PAPSS1: variants seen among roughly 807,000 people sequenced by gnomAD.
PAPSS1 encodes the protein 3'-phosphoadenosine 5'-phosphosulfate synthase 1.
Under a neutral mutation model 72.0 loss-of-function variants are expected in PAPSS1, and 50 were observed. The ratio of observed to expected loss-of-function variants is 0.69; its 90% CI spans 0.55 to 0.88. PAPSS1 has a LOEUF of 0.88. Ranked by LOEUF, PAPSS1 falls within the 40% of genes least tolerant of loss-of-function variation. The pLI, the probability that PAPSS1 is intolerant of heterozygous loss-of-function variation, is 0.00. For synonymous variants in PAPSS1, 261 were observed against 263.6 expected (o/e 0.99, Z 0.09); for missense variants, 657 against 782.2 (o/e 0.84, Z 1.91).
intron 11 of PAPSS1, among the ~76,000 whole-genome samples, chr4:107,622,607 A>G (rs1725995110): frequency 6.6e-6 from 1 of 152,248 alleles, no homozygotes; most frequent in Admixed American, 6.5e-5. Flanking sequence ...TTTGCCATAA[A>G]AACTAGGTAG....
rs750144042 is a variant in PAPSS1 at position 107,701,158 on chromosome 4, C to T, written c.175+13G>A. The T allele has an allele frequency of 3.2e-6, 5 of 1,575,810 alleles. No individual in the cohort carries two copies. Among genetic ancestry groups the T allele is most frequent in the Non-Finnish European group, 4.4e-6 (5 of 1,145,692 alleles). ...GCTTTTAAAATAAACTGCTTTCTCTCTCTTGACCATACCTGTTAGCCAAAC... is the reference window on the plus strand; with the variant it reads ...GCTTTTAAAATAAACTGCTTTCTCTTTCTTGACCATACCTGTTAGCCAAAC... On this transcript the variant is annotated intron_variant, in intron 2 of 11. Coordinates refer to ENST00000265174, the MANE Select transcript of PAPSS1 (RefSeq NM_005443.5).
At chr4:107,665,359 A>G (rs1445848698) in intron 5 of PAPSS1, among the ~76,000 whole-genome samples, 1 of 152,226 alleles carries the variant, frequency 6.6e-6, no homozygotes, top group Non-Finnish European at 1.5e-5. Context: ...GGACAACAGA[A>G]AGTTGGTCCC....
chr4:107,707,461 C>T (rs1037599372), intron 1 of PAPSS1, among the ~76,000 whole-genome samples: 8 of 152,240 alleles, frequency 5.3e-5, no homozygotes, highest in Non-Finnish European at 7.4e-5. Flanking sequence ...TAGGCTTGGA[C>T]GCTCAATCCA....
Position 107,701,298 on chromosome 4 carries a change from G to GAA in PAPSS1, c.61-15_61-14dup. The stretch of plus-strand genomic sequence containing the variant: ...CTCTCTGCATTCCCTAGAAAAAAAA[G>GAA]AAAAAAAAAATTCTAGTTTACATGA... On this transcript the variant is annotated splice_polypyrimidine_tract_variant and intron_variant, in intron 1 of 11. Coordinates refer to ENST00000265174, the MANE Select transcript of PAPSS1 (RefSeq NM_005443.5). 6 of 1,418,272 alleles carry GAA rather than the reference G, an allele frequency of 4.2e-6. No homozygotes were observed. Among genetic ancestry groups the GAA allele is most frequent in the African/African-American group, 1.5e-5 (1 of 68,124 alleles). 87.9% of individuals were successfully genotyped at this position (1,418,272 alleles called of 1,614,324 possible).
chr4:107,647,580 C>A (rs2110313780), intron 9 of PAPSS1, among the ~76,000 whole-genome samples: 1 of 152,244 alleles, frequency 6.6e-6, no homozygotes, highest in African/African-American at 2.4e-5. Flanking sequence ...AACCACGAAA[C>A]CCAATAAAAT....
chr4:107,635,599 T>C (rs1726354040), intron 10 of PAPSS1, among the ~76,000 whole-genome samples: 1 of 152,128 alleles, frequency 6.6e-6, no homozygotes, highest in Non-Finnish European at 1.5e-5. Context: ...AAACTGTTTT[T>C]ATGATAAAGT....
chr4:107,624,340 T>C (rs1726039847), intron 11 of PAPSS1, among the ~76,000 whole-genome samples: 1 of 152,236 alleles, frequency 6.6e-6, no homozygotes. Flanking sequence ...TGCCAAGTAC[T>C]TACCATCTTC....
chr4:107,627,227 T>C (rs1467792474), intron 11 of PAPSS1, among the ~76,000 whole-genome samples: 2 of 151,806 alleles, frequency 1.3e-5, no homozygotes. Context: ...CTCAACTCTT[T>C]TTAGTTTGGT....
intron 5 of PAPSS1, among the ~76,000 whole-genome samples, chr4:107,675,883 C>T (rs559568726): frequency 2.0e-5 from 3 of 152,268 alleles, no homozygotes; most frequent in South Asian, 4.1e-4. Flanking sequence ...GTTCAACATA[C>T]ACAAATCAAT....
intron 11 of PAPSS1, among the ~76,000 whole-genome samples, chr4:107,620,640 G>T (rs1725930809): frequency 1.3e-5 from 2 of 152,148 alleles, no homozygotes; most frequent in African/African-American, 4.8e-5. Context: ...CAACAGAGAT[G>T]ATTTTTGCCA....
intron 1 of PAPSS1, among the ~76,000 whole-genome samples, chr4:107,711,582 C>G (rs1476055089): frequency 6.6e-6 from 1 of 152,204 alleles, no homozygotes; most frequent in African/African-American, 2.4e-5. Flanking sequence ...ATCTTTCATC[C>G]ATCCTATCAC....
intron 11 of PAPSS1, among the ~76,000 whole-genome samples, chr4:107,628,042 C>G (rs1726143132): frequency 6.6e-6 from 1 of 152,094 alleles, no homozygotes; most frequent in Non-Finnish European, 1.5e-5. Context: ...GAATCTGGGC[C>G]ACATTTCAGA....
At chr4:107,636,103 T>C (rs1174815715) in intron 10 of PAPSS1, among the ~76,000 whole-genome samples, 1 of 152,216 alleles carries the variant, frequency 6.6e-6, no homozygotes, top group Non-Finnish European at 1.5e-5. Context: ...GTCAAGATTT[T>C]GATAACATGT....
chr4:107,703,626 C>T (rs1723263297), intron 1 of PAPSS1, among the ~76,000 whole-genome samples: 1 of 152,178 alleles, frequency 6.6e-6, no homozygotes, highest in African/African-American at 2.4e-5. Context: ...CTCTCCCCAT[C>T]ATGTATTATT....
At chr4:107,684,128 C>T (rs1408438146) in intron 4 of PAPSS1, among the ~76,000 whole-genome samples, 1 of 152,052 alleles carries the variant, frequency 6.6e-6, no homozygotes, top group Non-Finnish European at 1.5e-5. Context: ...TGTAAGAGAC[C>T]CAAGAGCATT....
At chr4:107,673,289 T>C (rs1727545589) in intron 5 of PAPSS1, among the ~76,000 whole-genome samples, 1 of 151,908 alleles carries the variant, frequency 6.6e-6, no homozygotes, top group Non-Finnish European at 1.5e-5. Context: ...TTCAAACCCA[T>C]GGCAAAGAAG....
At chr4:107,666,468 A>C (rs921991547) in intron 5 of PAPSS1, among the ~76,000 whole-genome samples, 1 of 152,218 alleles carries the variant, frequency 6.6e-6, no homozygotes, top group African/African-American at 2.4e-5. Flanking sequence ...TAAGAAATGC[A>C]GTCTTTATAT....
At chr4:107,681,104 GATACACTAGATGAAAGAGGTTTATAAA>G (rs994679339) in intron 5 of PAPSS1, among the ~76,000 whole-genome samples, 4 of 152,082 alleles carry the variant, frequency 2.6e-5, no homozygotes, top group South Asian at 2.1e-4. Context: ...TATCCAGTAA[GATACACTAGATGAAAGAGGTTTATAAA>G]ATACACTAGA....
intron 5 of PAPSS1, among the ~76,000 whole-genome samples, chr4:107,670,398 C>A (rs1269879078): frequency 6.6e-6 from 1 of 152,006 alleles, no homozygotes; most frequent in African/African-American, 2.4e-5. Context: ...CAAGCAATAG[C>A]ACCAAAGAAA....
Sources: gnomAD v4.1 joint callset for allele counts (sites outside exome capture counted in the v4.1 genomes callset) on GRCh38, gnomAD v4.1.1 for gene constraint, MANE v1.5 for transcripts, NCBI Gene and HGNC (gene_info 2026-07-23, HGNC 2026-07-21) for gene names.